The following CNIH3 variants were observed in gnomAD, a reference collection of about 807,000 sequenced individuals.
The protein encoded by CNIH3 is cornichon family AMPA receptor auxiliary protein 3.
A neutral mutation model predicts 24.1 loss-of-function variants in CNIH3; 14 were observed. The observed-to-expected ratio is 0.58, with a 90% CI of 0.38 to 0.91. The LOEUF (loss-of-function observed/expected upper bound fraction) is 0.91. Among genes scored for constraint, CNIH3 ranks in the 40% least tolerant of loss-of-function variants. The probability of loss-of-function intolerance (pLI) is 0.00; values close to 1 mark genes in which losing one functional copy is unlikely to be tolerated. For synonymous variants in CNIH3, 68 were observed against 73.8 expected (o/e 0.92, Z 0.40); for missense variants, 178 against 196.8 (o/e 0.90, Z 0.57).
chr1:224,572,112 A>G (rs1680842915), intron 4 of CNIH3, among the ~76,000 whole-genome samples: 1 of 152,222 alleles, frequency 6.6e-6, no homozygotes, highest in South Asian at 2.1e-4. Context: ...ACACTGCAGA[A>G]CTAGGAGGAG....
At chr1:224,527,298 C>T (rs894818330) in intron 2 of CNIH3, among the ~76,000 whole-genome samples, 1 of 152,178 alleles carries the variant, frequency 6.6e-6, no homozygotes, top group Non-Finnish European at 1.5e-5. Flanking sequence ...TTGTAAATAA[C>T]CGCATTTATC....
At chr1:224,556,031 C>T (rs1351159988) in intron 3 of CNIH3, among the ~76,000 whole-genome samples, 2 of 152,112 alleles carry the variant, frequency 1.3e-5, no homozygotes, top group South Asian at 2.1e-4. Flanking sequence ...GAGGAAGGGT[C>T]GTACATTACA....
chr1:224,598,832 G>A (rs1308767334), intron 3 of CNIH3, among the ~76,000 whole-genome samples: 3 of 152,122 alleles, frequency 2.0e-5, no homozygotes, highest in African/African-American at 7.2e-5. Context: ...CCACAGTATA[G>A]TATAAACATA....
At chr1:224,581,861 CTAAATTACAGGGGGA>C (rs958395858) in intron 4 of CNIH3, among the ~76,000 whole-genome samples, 5 of 152,222 alleles carry the variant, frequency 3.3e-5, no homozygotes, top group Admixed American at 3.3e-4. Context: ...CTCTTCATAC[CTAAATTACAGGGGGA>C]TAAGGAGGAC....
chr1:224,457,681 T>C (rs1304931852), intron 1 of CNIH3, among the ~76,000 whole-genome samples: 1 of 152,144 alleles, frequency 6.6e-6, no homozygotes, highest in Non-Finnish European at 1.5e-5. Flanking sequence ...AGTCGTAATT[T>C]GGGGATTACT....
intron 1 of CNIH3, among the ~76,000 whole-genome samples, chr1:224,633,034 G>A (rs1322906089): frequency 6.6e-6 from 1 of 152,132 alleles, no homozygotes; most frequent in African/African-American, 2.4e-5. Flanking sequence ...CCCAAATGCT[G>A]TGGTCCTCTA....
chr1:224,565,938 G>A (rs563127793), intron 3 of CNIH3: 7 of 152,256 alleles, frequency 4.6e-5, no homozygotes, highest in Admixed American at 2.6e-4. Flanking sequence ...ACACTGAGAA[G>A]GTCTGGCCAG....
chr1:224,555,875 G>T (rs982533116), intron 3 of CNIH3, among the ~76,000 whole-genome samples: 1 of 152,050 alleles, frequency 6.6e-6, no homozygotes, highest in Non-Finnish European at 1.5e-5. Flanking sequence ...CCATGCTCCC[G>T]GTCATCCTCC....
chr1:224,578,130 G>A (rs1294755515), intron 4 of CNIH3, among the ~76,000 whole-genome samples: 2 of 151,854 alleles, frequency 1.3e-5, no homozygotes, highest in Non-Finnish European at 2.9e-5. Context: ...ACTTTTCCAT[G>A]CACCCAGACA....
intron 3 of CNIH3, among the ~76,000 whole-genome samples, chr1:224,553,876 A>C (rs1167939840): frequency 6.9e-6 from 1 of 144,176 alleles, no homozygotes; most frequent in Non-Finnish European, 1.5e-5. Flanking sequence ...AGTTATCTTG[A>C]TCCTCTATGG....
Position 224,516,886 on chromosome 1 carries a change from G to GT in CNIH3, n.15+1019dup, listed in dbSNP as rs879517046. On this transcript the variant is annotated intron_variant and non_coding_transcript_variant, in intron 1 of 2. Coordinates refer to the CNIH3 transcript ENST00000470602. ...GTGAGCCCTTCCTGGCCCCACTCTT[G>GT]TTTTTTTTTGTTTTTAGGAGCTATA... Among the ~76,000 whole-genome samples the GT allele has an allele frequency of 5.6e-3, 842 of 151,286 alleles. 30 individuals are homozygous for GT. The highest frequency in any genetic ancestry group is 2.1e-3 in the Non-Finnish European group (141 of 67,754).
chr1:224,541,197 A>G (rs987108084), downstream of CNIH3, among the ~76,000 whole-genome samples: 1 of 152,214 alleles, frequency 6.6e-6, no homozygotes, highest in Admixed American at 6.5e-5. Flanking sequence ...AAGCAGATTT[A>G]ATTAAGGGCT....
chr1:224,730,475 A>G lies in CNIH3; in HGVS notation c.212A>G (p.Glu71Gly). ...CTCCCTCTTCAGCTGGTGCTGCCAG[A>G]ATACTCCATCCATAGCCTCTTCTGC... ...CFLLRKLVLPEYSIHSLFCIM... is the reference protein window; with the variant it reads ...CFLLRKLVLPGYSIHSLFCIM... The change falls in exon 4 of 6, where the codon GAA (glutamate) becomes GGA (glycine). Residue 71 changes from glutamate (E) to glycine (G), a missense_variant. By Grantham distance (98) the Glu-to-Gly change is moderately conservative (BLOSUM62 -2). Coordinates refer to ENST00000272133, the MANE Select transcript of CNIH3 (RefSeq NM_152495.2). The G allele has an allele frequency of 6.4e-7, 1 of 1,557,476 alleles. No individual in the cohort carries two copies. Among genetic ancestry groups the G allele is most frequent in the Non-Finnish European group, 8.7e-7 (1 of 1,149,252 alleles).
intron 3 of CNIH3, among the ~76,000 whole-genome samples, chr1:224,714,316 C>T (rs1313312532): frequency 6.6e-6 from 1 of 152,178 alleles, no homozygotes; most frequent in Non-Finnish European, 1.5e-5. Context: ...TAAGACCCCA[C>T]CCCCACCACT....
chr1:224,725,355 G>A (rs983249953), intron 3 of CNIH3, among the ~76,000 whole-genome samples: 1 of 152,164 alleles, frequency 6.6e-6, no homozygotes, highest in African/African-American at 2.4e-5. Flanking sequence ...TTTACAGATG[G>A]GTAAAATAAG....
At chr1:224,657,993 C>T (rs1033806946) in intron 1 of CNIH3, among the ~76,000 whole-genome samples, 1 of 152,078 alleles carries the variant, frequency 6.6e-6, no homozygotes, top group Non-Finnish European at 1.5e-5. Flanking sequence ...TTTGAATATA[C>T]ATTAATAACA....
chr1:224,437,973 C>A (rs1297406279), intron 1 of CNIH3, among the ~76,000 whole-genome samples: 1 of 149,706 alleles, frequency 6.7e-6, no homozygotes, highest in South Asian at 2.1e-4. Flanking sequence ...AGTGCAGTGG[C>A]GCGATCTTGG....
chr1:224,525,330 T>G (rs1217707714), intron 2 of CNIH3, among the ~76,000 whole-genome samples: 1 of 152,236 alleles, frequency 6.6e-6, no homozygotes, highest in Non-Finnish European at 1.5e-5. Context: ...GTTGCAGGCA[T>G]TAACCCAGTG....
At chr1:224,484,870 CTT>C (rs1676966033) in intron 1 of CNIH3, among the ~76,000 whole-genome samples, 8 of 152,114 alleles carry the variant, frequency 5.3e-5, no homozygotes, top group African/African-American at 1.4e-4. Flanking sequence ...ATTTACTTAA[CTT>C]TTGAACATAT....
Sources: allele counts gnomAD v4.1 joint callset (sites outside exome capture counted in the v4.1 genomes callset), GRCh38; gene constraint gnomAD v4.1.1; transcripts MANE v1.5; gene names NCBI Gene and HGNC (gene_info 2026-07-23, HGNC 2026-07-21).